Variants in GATAD2A observed in about 807,000 individuals in gnomAD.
GATAD2A encodes the protein GATA zinc finger domain containing 2A.
Under a neutral mutation model 68.5 loss-of-function variants are expected in GATAD2A, and 12 were observed. The observed-to-expected ratio is 0.18, with a 90% CI of 0.11 to 0.28. GATAD2A has a LOEUF of 0.28. Ranked by LOEUF, GATAD2A falls within the 10% of genes least tolerant of loss-of-function variation. The pLI is 1.00. For missense variants in GATAD2A, 755 were observed against 868.5 expected (o/e 0.87, Z 1.64); for synonymous variants, 410 against 375.3 (o/e 1.09, Z -1.07).
At chr19:19,474,762 G>A (rs866909657) in intron 2 of GATAD2A, among the ~76,000 whole-genome samples, 99 of 152,350 alleles carry the variant, frequency 6.5e-4, no homozygotes, top group Middle Eastern at 3.4e-3. Flanking sequence ...TTAGAGAAAC[G>A]ACTGGGCTTT....
At chr19:19,441,918 A>G (rs1455630806) in intron 1 of GATAD2A, among the ~76,000 whole-genome samples, 3 of 150,924 alleles carry the variant, frequency 2.0e-5, no homozygotes, top group Non-Finnish European at 2.9e-5. Context: ...CTGGAGTGCA[A>G]TGGCACGATC....
chr19:19,397,982 C>T lies in GATAD2A; in HGVS notation c.-7+11844C>T, dbSNP rs147626543. Among the ~76,000 whole-genome samples the T allele has an allele frequency of 7.6e-4, 116 of 152,246 alleles. 1 individual carries two copies. The highest frequency in any genetic ancestry group is 1.2e-3 in the East Asian group (6 of 5,182). ...GCAGTGGCGTGATCTCGGCTCACCACAACCTTCGCCTTCTGGGTTCAAGCA... is the reference window on the plus strand; with the variant it reads ...GCAGTGGCGTGATCTCGGCTCACCATAACCTTCGCCTTCTGGGTTCAAGCA... On this transcript the variant is annotated intron_variant, in intron 1 of 11. Coordinates refer to the GATAD2A transcript ENST00000360315.
chr19:19,411,278 G>A (rs148039909), intron 1 of GATAD2A, among the ~76,000 whole-genome samples: 324 of 152,320 alleles, frequency 2.1e-3, no homozygotes, highest in African/African-American at 6.9e-3. Context: ...CTGCCTTGGG[G>A]CCTTCTTGAC....
chr19:19,489,235 G>A (rs961465183), intron 2 of GATAD2A, among the ~76,000 whole-genome samples: 1 of 152,242 alleles, frequency 6.6e-6, no homozygotes, highest in African/African-American at 2.4e-5. Flanking sequence ...AGTCCCCTGT[G>A]GGCTGGCGCC....
At chr19:19,423,901 A>G (rs997856999) in intron 1 of GATAD2A, among the ~76,000 whole-genome samples, 3 of 152,104 alleles carry the variant, frequency 2.0e-5, no homozygotes, top group South Asian at 2.1e-4. Context: ...GGTGGACCCT[A>G]TGGTATCCTA....
chr19:19,503,401 G>T (rs1462896503), intron 11 of GATAD2A, among the ~76,000 whole-genome samples: 1 of 152,206 alleles, frequency 6.6e-6, no homozygotes, highest in Non-Finnish European at 1.5e-5. Context: ...CAGGTGCCAG[G>T]CTCTGCAGGG....
chr19:19,420,184 T>TTTG (rs1438470017), intron 1 of GATAD2A, among the ~76,000 whole-genome samples: 12 of 144,140 alleles, frequency 8.3e-5, no homozygotes, highest in African/African-American at 1.3e-4. Flanking sequence ...CTAGTTTTTT[T>TTTG]TTTTTTTTTT....
chr19:19,443,853 C>T (rs1600140890), intron 1 of GATAD2A, among the ~76,000 whole-genome samples: 1 of 151,942 alleles, frequency 6.6e-6, no homozygotes, highest in Middle Eastern at 3.4e-3. Flanking sequence ...TAGGAGACCA[C>T]TTGGGAGTAG....
intron 1 of GATAD2A, among the ~76,000 whole-genome samples, chr19:19,464,284 A>G (rs560394429): frequency 2.6e-5 from 4 of 152,368 alleles, no homozygotes; most frequent in Non-Finnish European, 4.4e-5. Context: ...GAATTCCACT[A>G]GAGCTCAGCT....
intron 1 of GATAD2A, among the ~76,000 whole-genome samples, chr19:19,413,290 A>G (rs928461369): frequency 1.3e-5 from 2 of 152,246 alleles, no homozygotes; most frequent in African/African-American, 2.4e-5. Context: ...TTGTTGCTCA[A>G]GTGTGGCTGG....
chr19:19,465,230 C>T (rs1349442184), intron 1 of GATAD2A, 110 bp from the exon 2 acceptor site: 2 of 808,870 alleles, frequency 2.5e-6, no homozygotes, highest in East Asian at 4.9e-5. Flanking sequence ...ATTCTTTTGC[C>T]ATCCTTCCCA....
intron 2 of GATAD2A, among the ~76,000 whole-genome samples, chr19:19,467,318 A>G (rs986927439): frequency 1.3e-4 from 20 of 152,164 alleles, no homozygotes; most frequent in East Asian, 3.9e-4. Context: ...GGAGCTTGCA[A>G]TGAGCCGAGA....
intron 1 of GATAD2A, among the ~76,000 whole-genome samples, chr19:19,442,771 G>GAA (rs11366479): frequency 2.1e-4 from 22 of 104,382 alleles, no homozygotes; most frequent in African/African-American, 2.7e-4. Context: ...CCCCCAAGCT[G>GAA]AAAAAAAAAA....
intron 1 of GATAD2A, among the ~76,000 whole-genome samples, chr19:19,406,744 C>G (rs1193874306): frequency 6.6e-6 from 1 of 152,160 alleles, no homozygotes; most frequent in African/African-American, 2.4e-5. Context: ...TGCCAAGAAT[C>G]GGAATTGATC....
intron 1 of GATAD2A, among the ~76,000 whole-genome samples, chr19:19,455,706 T>C (rs2056861663): frequency 1.3e-5 from 2 of 152,112 alleles, no homozygotes; most frequent in Non-Finnish European, 2.9e-5. Flanking sequence ...GGATTGAGCA[T>C]CTGGGAATTT....
chr19:19,441,741 T>C, intron 1 of GATAD2A: 1 of 168,568 alleles, frequency 5.9e-6, no homozygotes, highest in South Asian at 9.5e-5. Flanking sequence ...ATTTTTTGTA[T>C]TTTTAGTAGA....
intron 1 of GATAD2A, among the ~76,000 whole-genome samples, chr19:19,420,848 T>A (rs2052334898): frequency 6.6e-6 from 1 of 152,120 alleles, no homozygotes; most frequent in African/African-American, 2.4e-5. Context: ...GTTATGAGGA[T>A]TAAATGAAAT....
intron 1 of GATAD2A, among the ~76,000 whole-genome samples, chr19:19,399,988 A>G (rs2049585480): frequency 6.6e-6 from 1 of 151,930 alleles, no homozygotes; most frequent in Non-Finnish European, 1.5e-5. Context: ...CGAGGCTGTC[A>G]TATAGCCTTT....
intron 2 of GATAD2A, among the ~76,000 whole-genome samples, chr19:19,489,993 G>T (rs1318543024): frequency 6.6e-6 from 1 of 152,208 alleles, no homozygotes; most frequent in East Asian, 1.9e-4. Flanking sequence ...ATCTTGGGCG[G>T]CATGGGGCCG....
Sources: gnomAD v4.1 joint callset for allele counts (sites outside exome capture counted in the v4.1 genomes callset) on GRCh38, gnomAD v4.1.1 for gene constraint, MANE v1.5 for transcripts, NCBI Gene and HGNC (gene_info 2026-07-23, HGNC 2026-07-21) for gene names.